Variants in TENM3 observed in about 807,000 individuals in gnomAD.
TENM3 encodes teneurin-3.
In TENM3, 63 loss-of-function variants were observed where a neutral mutation model predicts 255.1. The ratio of observed to expected loss-of-function variants is 0.25; its 90% CI spans 0.20 to 0.30. The LOEUF (loss-of-function observed/expected upper bound fraction) is 0.30. Ranked by LOEUF, TENM3 falls within the 10% of genes least tolerant of loss-of-function variation. TENM3 has a pLI of 1.00. For missense variants in TENM3, 2,929 were observed against 3,461.1 expected (o/e 0.85, Z 3.86); for synonymous variants, 1,306 against 1,322.3 (o/e 0.99, Z 0.27).
At chr4:181,927,492 G>A in the TENM3 span, among the ~76,000 whole-genome samples, 4 of 152,252 alleles carry the variant, frequency 2.6e-5, no homozygotes, top group African/African-American at 7.2e-5. Context: ...CTCTGGGCAG[G>A]GCATCTCTGA....
At chr4:182,798,023 C>T (rs1339533033) in intron 27 of TENM3, among the ~76,000 whole-genome samples, 1 of 152,116 alleles carries the variant, frequency 6.6e-6, no homozygotes, top group Non-Finnish European at 1.5e-5. Context: ...CATAAGATTA[C>T]AATATCATAT....
At chr4:182,553,251 C>T (rs944724049) in intron 3 of TENM3, among the ~76,000 whole-genome samples, 3 of 151,932 alleles carry the variant, frequency 2.0e-5, no homozygotes, top group African/African-American at 4.8e-5. Context: ...AGAGCCACCA[C>T]GCCCAGCAGT....
At chr4:181,637,769 T>A in the TENM3 span, among the ~76,000 whole-genome samples, 65 of 152,366 alleles carry the variant, frequency 4.3e-4, no homozygotes, top group African/African-American at 1.5e-3. Flanking sequence ...TTTATTGTTT[T>A]GTTGTTGTCC....
the TENM3 span, among the ~76,000 whole-genome samples, chr4:181,687,807 C>T: frequency 6.6e-6 from 1 of 152,146 alleles, no homozygotes; most frequent in Non-Finnish European, 1.5e-5. Context: ...AGGCACTGAC[C>T]TCCAACATTA....
chr4:182,539,625 A>G (rs1580870950), intron 3 of TENM3, among the ~76,000 whole-genome samples: 1 of 152,354 alleles, frequency 6.6e-6, no homozygotes, highest in Middle Eastern at 3.4e-3. Context: ...CATAAGGATC[A>G]TTCGAACGAT....
chr4:182,277,244 A>C (rs1760063046), intron 1 of TENM3, among the ~76,000 whole-genome samples: 1 of 152,214 alleles, frequency 6.6e-6, no homozygotes, highest in Admixed American at 6.5e-5. Flanking sequence ...GTGCCAGATT[A>C]GATAGCAATG....
At chr4:182,368,125 A>C (rs1293590107) in intron 3 of TENM3, among the ~76,000 whole-genome samples, 5 of 152,150 alleles carry the variant, frequency 3.3e-5, no homozygotes, top group Non-Finnish European at 7.4e-5. Flanking sequence ...TCTCAAAACA[A>C]TCACAACATA....
At chr4:182,714,382 C>G (rs1758996532) in intron 13 of TENM3, 149 bp downstream of exon 13, 1 of 654,212 alleles carries the variant, frequency 1.5e-6, no homozygotes. Flanking sequence ...TGTATGAGTG[C>G]TGATAGAATG....
At chr4:181,629,661 C>A in the TENM3 span, among the ~76,000 whole-genome samples, 100,423 of 151,950 alleles carry the variant, frequency 0.66, 33,468 homozygotes, top group East Asian at 0.73. Context: ...TATGTTGAAC[C>A]AGCCTTGCAT....
chr4:182,605,525 A>G (rs7662260), intron 4 of TENM3, among the ~76,000 whole-genome samples: 27,313 of 151,174 alleles, frequency 0.18, 3,002 homozygotes, highest in South Asian at 0.28. Flanking sequence ...TAAATTATAT[A>G]CTAATGAATA....
the TENM3 span, among the ~76,000 whole-genome samples, chr4:181,607,593 C>T: frequency 6.6e-6 from 1 of 151,596 alleles, no homozygotes; most frequent in East Asian, 2.0e-4. Flanking sequence ...TTAGTAGAGA[C>T]GGGGTTTCAC....
At chr4:182,736,597 C>T (rs948332079) in intron 16 of TENM3, among the ~76,000 whole-genome samples, 1 of 152,114 alleles carries the variant, frequency 6.6e-6, no homozygotes, top group African/African-American at 2.4e-5. Flanking sequence ...AAGATAACAG[C>T]TCAAATGCAT....
At chr4:182,037,268 C>T in the TENM3 span, among the ~76,000 whole-genome samples, 1 of 152,006 alleles carries the variant, frequency 6.6e-6, no homozygotes, top group Non-Finnish European at 1.5e-5. Context: ...CTGCCTCGGG[C>T]TCCTGAGTAG....
At chr4:182,774,839 A>G (rs1202470046) in intron 23 of TENM3, 79 bp from the exon 24 acceptor site, 13 of 1,007,962 alleles carry the variant, frequency 1.3e-5, no homozygotes, top group Middle Eastern at 2.5e-4. Context: ...TTAGAAATTT[A>G]GAACCTATCT....
At chr4:181,730,320 T>C in the TENM3 span, among the ~76,000 whole-genome samples, 1 of 152,166 alleles carries the variant, frequency 6.6e-6, no homozygotes, top group African/African-American at 2.4e-5. Context: ...GCTGAAAGAA[T>C]CATCCAGAAG....
intron 3 of TENM3, among the ~76,000 whole-genome samples, chr4:182,494,782 G>A (rs1284119103): frequency 2.0e-5 from 3 of 152,230 alleles, no homozygotes; most frequent in Admixed American, 2.0e-4. Flanking sequence ...TGCCTTAATA[G>A]TACCAGGAAC....
the TENM3 span, among the ~76,000 whole-genome samples, chr4:181,862,647 A>G: frequency 6.6e-6 from 1 of 152,098 alleles, no homozygotes; most frequent in South Asian, 2.1e-4. Flanking sequence ...TTTCTTTTCC[A>G]TGTGTTTTCT....
At chr4:182,709,718 T>G (rs1015519784) in intron 12 of TENM3, among the ~76,000 whole-genome samples, 6 of 152,192 alleles carry the variant, frequency 3.9e-5, no homozygotes, top group Admixed American at 2.6e-4. Flanking sequence ...AAAATATTTC[T>G]TGTTGTTCTT....
intron 1 of TENM3, among the ~76,000 whole-genome samples, chr4:182,291,239 C>T (rs1290251422): frequency 2.0e-5 from 3 of 152,138 alleles, no homozygotes; most frequent in African/African-American, 7.2e-5. Flanking sequence ...CGGCAGGCTT[C>T]CCACGGAGGA....
Sources: allele counts gnomAD v4.1 joint callset (sites outside exome capture counted in the v4.1 genomes callset), GRCh38; gene constraint gnomAD v4.1.1; transcripts MANE v1.5; gene names NCBI Gene and HGNC (gene_info 2026-07-23, HGNC 2026-07-21).